The following GRIN2C variants were observed in gnomAD, a reference collection of about 807,000 sequenced individuals.
GRIN2C encodes glutamate ionotropic receptor NMDA type subunit 2C, also known as glutamate receptor ionotropic, NMDA 2C.
In GRIN2C, 64 loss-of-function variants were observed where a neutral mutation model predicts 77.7. The observed-to-expected ratio is 0.82, with a 90% CI of 0.67 to 1.01. The LOEUF is 1.01. Among genes scored for constraint, GRIN2C ranks in the 50% least tolerant of loss-of-function variants. The probability of loss-of-function intolerance (pLI) is 0.00; values close to 1 mark genes in which losing one functional copy is unlikely to be tolerated. For synonymous variants in GRIN2C, 792 were observed against 643.4 expected (o/e 1.23, Z -3.49); for missense variants, 1,549 against 1,486.0 (o/e 1.04, Z -0.70).
Position 74,852,183 on chromosome 17 carries a change from G to A in GRIN2C, c.828C>T (p.Val276=). ...GGCTGAGGCGCCAGCTCTCGGTGAC[G>A]ACGCTGATGAGGCCCACGGGGAAGG... is the stretch of plus-strand genomic sequence containing the variant. ...PATFPVGLIS[V]VTESWRLSLR... Residue 276 remains valine (V), a synonymous_variant, in exon 3 of 13, where the codon GTC becomes GTT. Coordinates refer to ENST00000293190, the MANE Select transcript of GRIN2C (RefSeq NM_000835.6). 1 of 1,458,414 alleles carries A rather than the reference G, an allele frequency of 6.9e-7. No homozygotes were observed. Among genetic ancestry groups the A allele is most frequent in the Non-Finnish European group, 9.0e-7 (1 of 1,107,492 alleles). The allele number at this position is 1,458,414 out of a possible 1,614,324, so 90.3% of individuals were successfully genotyped here.
At position 74,852,310 on chromosome 17, in the gene GRIN2C, T is replaced by G; in HGVS notation, c.701A>C (p.Glu234Ala). 1 of 1,448,202 alleles carries G rather than the reference T, an allele frequency of 6.9e-7. No individual in the cohort carries two copies. Among genetic ancestry groups the G allele is most frequent in the South Asian group, 1.4e-5 (1 of 73,686 alleles). The allele number at this position is 1,448,202 out of a possible 1,614,324, so 89.7% of individuals were successfully genotyped here. A position where few individuals can be genotyped will look rare whatever the true frequency, so the allele number is the denominator to read the frequency against. The change falls in exon 3 of 13, where the codon GAG becomes GCG. Residue 234 changes from glutamate to alanine, a missense_variant. Glu to Ala is a moderately radical substitution (Grantham distance 107). Coordinates refer to ENST00000293190, the MANE Select transcript of GRIN2C (RefSeq NM_000835.6). ...FVAYCSREEA[E>A]VLFAEAAQAG... Reference sequence around the variant, plus strand: ...CTGCGCCGCCTCGGCGAAGAGCACCTCGGCCTCCTCGCGCGAGCAGTAGGC... The same window carrying G: ...CTGCGCCGCCTCGGCGAAGAGCACCGCGGCCTCCTCGCGCGAGCAGTAGGC...
chr17:74,849,919 C>T lies in GRIN2C; in HGVS notation c.1506G>A (p.Arg502=), dbSNP rs1305265757. ...TGAGGGAGCCGATGGCCATGTCTGC[C>T]CGCTTGTAGTACACCTGGGGGCCGG... is the stretch of plus-strand genomic sequence containing the variant. ...NGMIGEVYYK[R]ADMAIGSLTI... is the part of the protein sequence containing the mutation. Residue 502 remains arginine, a synonymous_variant, in exon 7 of 13, where the codon CGG becomes CGA. Coordinates refer to ENST00000293190, the MANE Select transcript of GRIN2C (RefSeq NM_000835.6). The surrounding 1 kb of genome is among the most constrained non-coding windows in gnomAD (Gnocchi z 4.6). 4 of 1,613,046 alleles carry T rather than the reference C, an allele frequency of 2.5e-6. No individual in the cohort carries two copies. In the South Asian group the frequency reaches 3.3e-5, roughly 13 times the overall value.
In GRIN2C at chr17:74,846,675, T is replaced by G; in HGVS notation, c.2162+85A>C. The G allele has an allele frequency of 1.4e-6, 2 of 1,414,012 alleles. No individual in the cohort carries two copies. The highest frequency in any genetic ancestry group is 2.0e-6 in the Non-Finnish European group (2 of 1,021,064). The allele number at this position is 1,414,012 out of a possible 1,614,324, so 87.6% of individuals were successfully genotyped here. A position where few individuals can be genotyped will look rare whatever the true frequency, so the allele number is the denominator to read the frequency against. On this transcript the variant is annotated intron_variant, in intron 10 of 12. Transcript: ENST00000293190. The surrounding 1 kb of genome is among the most constrained non-coding windows in gnomAD (Gnocchi z 4.4). ...ACAGGAGTCCTGCAGGACAGCCCAG[T>G]CCCACTGTCCCCACATTGAGAGCTA...
At chr17:74,857,025 G>A (rs935348940) in intron 1 of GRIN2C, among the ~76,000 whole-genome samples, 14 of 152,184 alleles carry the variant, frequency 9.2e-5, no homozygotes, top group Non-Finnish European at 1.8e-4. Context: ...TGCAGCAGGC[G>A]CTGGATGGTG....
chr17:74,855,666 A>G (rs1451286601), intron 1 of GRIN2C, among the ~76,000 whole-genome samples: 2 of 152,196 alleles, frequency 1.3e-5, no homozygotes, highest in Non-Finnish European at 2.9e-5. Flanking sequence ...CAGGTGAAGG[A>G]AGACAGCTCT....
At chr17:74,845,914 C>T (rs1246659129) in intron 11 of GRIN2C, 152 bp downstream of exon 11, 2 of 712,110 alleles carry the variant, frequency 2.8e-6, no homozygotes, top group Non-Finnish European at 4.9e-6. Flanking sequence ...TCCAGTTGCT[C>T]CTAGTACCTG....
rs770758182 is a variant in GRIN2C at position 74,852,041 on chromosome 17, C to A, written c.970G>T (p.Val324Phe). The change falls in exon 3 of 13, where the codon GTC becomes TTC. Residue 324 changes from valine to phenylalanine, a missense_variant. Coordinates refer to ENST00000293190, the MANE Select transcript of GRIN2C (RefSeq NM_000835.6). ...TAGAAGGCCTCCCGGGCAGGGCTGA[C>A]GGGCCCAGGGTGAACACGGCAGTCC... Reference protein sequence around the residue: ...AGDCRVHPGPVSPAREAFYRH... With the variant: ...AGDCRVHPGPFSPAREAFYRH... 2.1e-6 allele frequency: 3 copies of A among 1,461,492 alleles called. No homozygotes were observed. The highest frequency in any genetic ancestry group is 2.7e-6 in the Non-Finnish European group (3 of 1,105,366). The allele number at this position is 1,461,492 out of a possible 1,614,324, so 90.5% of individuals were successfully genotyped here.
In GRIN2C at chr17:74,843,491, C is replaced by CGGGCTGGCCTGCCGCGGT. The variant is rs1477422474; in HGVS notation, c.2628_2645dup (p.Pro877_Pro882dup). ...CCTGGGCCGAGCTGGCCGTGAGGTC[C>CGGGCTGGCCTGCCGCGGT]GGGCTGGCCTGCCGCGGTGGGCTGG... is the stretch of plus-strand genomic sequence containing the variant. On this transcript the variant is annotated inframe_insertion, in exon 13 of 13. Transcript: ENST00000293190. The CGGGCTGGCCTGCCGCGGT allele has an allele frequency of 2.1e-5, 32 of 1,533,756 alleles. No individual in the cohort carries two copies. The highest frequency in any genetic ancestry group is 2.6e-5 in the Non-Finnish European group (30 of 1,146,424).
chr17:74,861,376 GC>G (rs1398661080), upstream of GRIN2C: 1 of 152,082 alleles, frequency 6.6e-6, no homozygotes. Context: ...CGGGAACCCA[GC>G]CCCAAGTTGG....
In GRIN2C at chr17:74,843,571, G is replaced by C; in HGVS notation, c.2584-18C>G. 2.0e-6 allele frequency: 3 copies of C among 1,531,160 alleles called. No individual in the cohort carries two copies. Among genetic ancestry groups the C allele is most frequent in the Non-Finnish European group, 2.6e-6 (3 of 1,145,746 alleles). The allele number at this position is 1,531,160 out of a possible 1,614,324, so 94.8% of individuals were successfully genotyped here. ...TAGATGCCCTGGGCAGTAGGGAGAC[G>C]ACAGGCCGTAAGCAGCGCCCTCCGC... On this transcript the variant is annotated intron_variant, in intron 12 of 12. Transcript: ENST00000293190.
At chr17:74,854,405 T>C in intron 2 of GRIN2C, 1 of 355,472 alleles carries the variant, frequency 2.8e-6, no homozygotes. Flanking sequence ...CCTAGGAAGC[T>C]GAGGGAAGCA....
Position 74,847,533 on chromosome 17 carries a change from G to T in GRIN2C, c.1776C>A (p.Ser592=). The change falls in exon 9 of 13, where the codon TCC becomes TCA. Residue 592 remains serine (S), a synonymous_variant. Coordinates refer to ENST00000293190, the MANE Select transcript of GRIN2C (RefSeq NM_000835.6). The surrounding 1 kb of genome is among the most constrained non-coding windows in gnomAD (Gnocchi z 5.2). The part of the protein sequence containing the change: ...YNQNLTRGKK[S]GGPAFTIGKS... ...TGCCGATAGTGAAAGCTGGGCCCCCGGACTCTGGGGGCAAGAGGCGGGGGG... is the reference window on the plus strand; with the variant it reads ...TGCCGATAGTGAAAGCTGGGCCCCCTGACTCTGGGGGCAAGAGGCGGGGGG... 1 of 1,607,282 alleles carries T rather than the reference G, an allele frequency of 6.2e-7. No homozygotes were observed. Among genetic ancestry groups the T allele is most frequent in the Admixed American group, 1.7e-5 (1 of 59,920 alleles).
Position 74,850,436 on chromosome 17 carries a change from C to G in GRIN2C, c.1326-65G>C. On this transcript the variant is annotated intron_variant, in intron 5 of 12. Coordinates refer to ENST00000293190, the MANE Select transcript of GRIN2C (RefSeq NM_000835.6). This position sits in a 1 kb window ranked among gnomAD's most constrained non-coding sequence, Gnocchi z 5.3. ...ATGTCGTGGCCCAGCCCCGCCCCAGCCACTCCTCCAGCCTGGCACGTGGAC... is the reference window on the plus strand; with the variant it reads ...ATGTCGTGGCCCAGCCCCGCCCCAGGCACTCCTCCAGCCTGGCACGTGGAC... 1.9e-6 allele frequency: 3 copies of G among 1,583,912 alleles called. No homozygotes were observed. The South Asian group carries it at 3.3e-5, about 18-fold the overall frequency.
chr17:74,843,324 G>A lies in GRIN2C; in HGVS notation c.2813C>T (p.Pro938Leu). The A allele has an allele frequency of 6.8e-7, 1 of 1,464,938 alleles. No individual in the cohort carries two copies. The highest frequency in any genetic ancestry group is 9.2e-7 in the Non-Finnish European group (1 of 1,091,886). The allele number at this position is 1,464,938 out of a possible 1,614,324, so 90.7% of individuals were successfully genotyped here. A position where few individuals can be genotyped will look rare whatever the true frequency, so the allele number is the denominator to read the frequency against. ...CAGGCATGGGCTGGGGCCAGACCGC[G>A]GGGTCGGGCAGGGGGACGGTGGGGG... ...RAPPPSPCPT[P>L]RSGPSPCLPT... Residue 938 changes from proline to leucine, a missense_variant, in exon 13 of 13, where the codon CCG (proline) becomes CTG (leucine). Physicochemically the swap from Pro to Leu is moderately conservative, Grantham distance 98. Coordinates refer to ENST00000293190, the MANE Select transcript of GRIN2C (RefSeq NM_000835.6).
Position 74,842,324 on chromosome 17 carries a change from A to G in GRIN2C, c.*111T>C. On this transcript the variant is annotated 3_prime_UTR_variant, in exon 13 of 13. Coordinates refer to ENST00000293190, the MANE Select transcript of GRIN2C (RefSeq NM_000835.6). ...AGACATCATCTGTCACTGGGGTCCCATGGCCAGGATTTCATGGCAGAAGCC... is the reference window on the plus strand; with the variant it reads ...AGACATCATCTGTCACTGGGGTCCCGTGGCCAGGATTTCATGGCAGAAGCC... The G allele has an allele frequency of 1.6e-6, 1 of 636,254 alleles. No individual in the cohort carries two copies. The highest frequency in any genetic ancestry group is 2.9e-6 in the Non-Finnish European group (1 of 349,724). The allele number at this position is 636,254 out of a possible 1,614,324, so 39.4% of individuals were successfully genotyped here.
rs866593950 is a variant in GRIN2C at position 74,842,991 on chromosome 17, A to G, written c.3146T>C (p.Leu1049Pro). 7.8e-6 allele frequency: 4 copies of G among 510,846 alleles called. No homozygotes were observed. Among genetic ancestry groups the G allele is most frequent in the Admixed American group, 4.3e-5 (1 of 23,366 alleles). 31.6% of individuals were successfully genotyped at this position (510,846 alleles called of 1,614,324 possible). A position where few individuals can be genotyped will look rare whatever the true frequency, so the allele number is the denominator to read the frequency against. ...CGGACCGAGCAGCGGCAGGTCCTCC[A>G]GCTCCGGGAAGAGCGGGAGGAAGGG... ...GRPFLPLFPE[L>P]EDLPLLGPEQ... Residue 1049 changes from leucine to proline, a missense_variant, in exon 13 of 13, where the codon CTG (leucine) becomes CCG (proline). Around this residue, in one of 3 missense-constraint regions of GRIN2C, gnomAD observed 450 missense variants for 267.9 expected, o/e 1.68. Transcript: ENST00000293190.
At position 74,847,983 on chromosome 17, in the gene GRIN2C, G is replaced by A; in HGVS notation, c.1646-6C>T. 3.1e-6 allele frequency: 5 copies of A among 1,614,050 alleles called. No homozygotes were observed. The highest frequency in any genetic ancestry group is 4.2e-6 in the Non-Finnish European group (5 of 1,179,958). Reference sequence around the variant, plus strand: ...CACTGCAGGGCTATATGGCTCTGGGGACAGAGGGAGGCAGCTCAGAGGCCT... The same window carrying A: ...CACTGCAGGGCTATATGGCTCTGGGAACAGAGGGAGGCAGCTCAGAGGCCT... On this transcript the variant is annotated splice_polypyrimidine_tract_variant and splice_region_variant and intron_variant, in intron 7 of 12. Coordinates refer to ENST00000293190, the MANE Select transcript of GRIN2C (RefSeq NM_000835.6). This position sits in a 1 kb window ranked among gnomAD's most constrained non-coding sequence, Gnocchi z 5.2.
chr17:74,843,645 T>C, intron 12 of GRIN2C, 92 bp from the exon 13 acceptor site: 1 of 1,468,306 alleles, frequency 6.8e-7, no homozygotes. Context: ...GCATCATCAG[T>C]CTTCTATAAG....
In GRIN2C at chr17:74,847,217, C is replaced by T; in HGVS notation, c.2001+91G>A. ...CCTGCCCCAGCCTCCAGGTCAAATTCCCCAGACTCGACTGTCCAGGGCCTG... is the reference window on the plus strand; with the variant it reads ...CCTGCCCCAGCCTCCAGGTCAAATTTCCCAGACTCGACTGTCCAGGGCCTG... On this transcript the variant is annotated intron_variant, in intron 9 of 12. Coordinates refer to ENST00000293190, the MANE Select transcript of GRIN2C (RefSeq NM_000835.6). The surrounding 1 kb of genome is among the most constrained non-coding windows in gnomAD (Gnocchi z 5.2). 1 of 1,014,758 alleles carries T rather than the reference C, an allele frequency of 9.9e-7. No individual in the cohort carries two copies. Among genetic ancestry groups the T allele is most frequent in the Non-Finnish European group, 1.5e-6 (1 of 668,644 alleles). The allele number at this position is 1,014,758 out of a possible 1,614,324, so 62.9% of individuals were successfully genotyped here.
Sources: gnomAD v4.1 joint callset for allele counts (sites outside exome capture counted in the v4.1 genomes callset) on GRCh38, gnomAD v4.1.1 for gene constraint, gnomAD v4.1.1 regional missense constraint, Gnocchi (gnomAD v3.1) non-coding constraint, MANE v1.5 for transcripts, NCBI Gene and HGNC (gene_info 2026-07-23, HGNC 2026-07-21) for gene names.